DHCR7: variants seen among roughly 807,000 people sequenced by gnomAD.
DHCR7 encodes 7-dehydrocholesterol reductase.
DHCR7 carries 40 observed loss-of-function variants against 43.3 expected under a neutral mutation model. That is an observed-to-expected ratio of 0.92 (90% CI 0.72 to 1.20). The LOEUF (loss-of-function observed/expected upper bound fraction) is 1.20. DHCR7 is among the 50% of genes most tolerant of loss of function. The probability of loss-of-function intolerance (pLI) is 0.00; values close to 1 mark genes in which losing one functional copy is unlikely to be tolerated. For missense variants in DHCR7, 608 were observed against 644.6 expected (o/e 0.94, Z 0.62); for synonymous variants, 298 against 271.4 (o/e 1.10, Z -0.96).
downstream of DHCR7, among the ~76,000 whole-genome samples, chr11:71,432,494 G>GA (rs774113102): frequency 5.3e-5 from 8 of 152,174 alleles, no homozygotes; most frequent in Non-Finnish European, 8.8e-5. Flanking sequence ...GTAAATTGCA[G>GA]AATGAGTAAA....
chr11:71,444,962 C>T lies in DHCR7; in HGVS notation c.-6-4G>A, dbSNP rs183610891. The T allele has an allele frequency of 1.0e-4, 161 of 1,612,826 alleles. No homozygotes were observed. The African/African-American group carries it at 2.0e-3, about 20-fold the overall frequency. ...GCGATTTTGCAGCCATTGGGCCCTGCAAGAAAGAGAACCTTGCTTACATTA... is the reference window on the plus strand; with the variant it reads ...GCGATTTTGCAGCCATTGGGCCCTGTAAGAAAGAGAACCTTGCTTACATTA... On this transcript the variant is annotated splice_polypyrimidine_tract_variant and splice_region_variant and intron_variant, in intron 2 of 8. Coordinates refer to ENST00000355527, the MANE Select transcript of DHCR7 (RefSeq NM_001360.3).
rs1949248870 is a variant in DHCR7, at chr11:71,434,420, CA to C, written c.*954del. 1 of 153,658 alleles carries C rather than the reference CA, an allele frequency of 6.5e-6. No individual in the cohort carries two copies. Among genetic ancestry groups the C allele is most frequent in the Non-Finnish European group, 1.4e-5 (1 of 69,328 alleles). 9.5% of individuals were successfully genotyped at this position (153,658 alleles called of 1,614,324 possible). A position where few individuals can be genotyped will look rare whatever the true frequency, so the allele number is the denominator to read the frequency against. The stretch of plus-strand genomic sequence containing the variant: ...GAAACCACACAGCCACTTATTTGAA[CA>C]GGGGAAGTTTAATATAAAGATGAAC... On this transcript the variant is annotated 3_prime_UTR_variant, in exon 9 of 9. Coordinates refer to ENST00000355527, the MANE Select transcript of DHCR7 (RefSeq NM_001360.3).
chr11:71,428,939 T>C (rs1949214278), intron 2 of DHCR7: 1 of 444,852 alleles, frequency 2.2e-6, no homozygotes. Flanking sequence ...GTAATTCAAA[T>C]GCCTCCCGCC....
chr11:71,430,543 G>A (rs189513966), downstream of DHCR7, among the ~76,000 whole-genome samples: 49 of 152,302 alleles, frequency 3.2e-4, no homozygotes, highest in Admixed American at 1.2e-3. Flanking sequence ...GCCTTGTCAT[G>A]TGGGGTGGCT....
chr11:71,432,548 T>C (rs1949234301), downstream of DHCR7, among the ~76,000 whole-genome samples: 1 of 152,384 alleles, frequency 6.6e-6, no homozygotes, highest in Non-Finnish European at 1.5e-5. Flanking sequence ...TGTATTTTTG[T>C]GGGCATAGTG....
chr11:71,440,832 G>A (rs2135944234), intron 6 of DHCR7, among the ~76,000 whole-genome samples: 1 of 152,212 alleles, frequency 6.6e-6, no homozygotes, highest in East Asian at 1.9e-4. Flanking sequence ...GGCTCTCCTG[G>A]GAAGCTGTTA....
chr11:71,439,997 A>AC (rs779256721), intron 6 of DHCR7, among the ~76,000 whole-genome samples: 23 of 152,194 alleles, frequency 1.5e-4, no homozygotes, highest in Non-Finnish European at 2.6e-4. Flanking sequence ...CCACAAGAGA[A>AC]CCCCCCAAAC....
downstream of DHCR7, among the ~76,000 whole-genome samples, chr11:71,432,469 T>A (rs541771844): frequency 5.7e-4 from 87 of 152,380 alleles, no homozygotes; most frequent in Non-Finnish European, 1.0e-3. Context: ...TACAATGTGA[T>A]GTTTTGATAC....
rs1378054212 is a variant in DHCR7 at position 71,434,755 on chromosome 11, T to C, written c.*620A>G. ...CCGGTGCTGGGACCTCTCTGAGGTC[T>C]GCAGACTCCAGGCAGAGCACTCCTG... On this transcript the variant is annotated 3_prime_UTR_variant, in exon 9 of 9. Coordinates refer to ENST00000355527, the MANE Select transcript of DHCR7 (RefSeq NM_001360.3). 1.1e-5 allele frequency: 3 copies of C among 272,726 alleles called. No individual in the cohort carries two copies. The highest frequency in any genetic ancestry group is 2.2e-5 in the Non-Finnish European group (3 of 138,256). 16.9% of individuals were successfully genotyped at this position (272,726 alleles called of 1,614,324 possible).
chr11:71,444,136 C>A lies in DHCR7; in HGVS notation c.178G>T (p.Ala60Ser). 1 of 1,611,794 alleles carries A rather than the reference C, an allele frequency of 6.2e-7. No homozygotes were observed. Among genetic ancestry groups the A allele is most frequent in the Non-Finnish European group, 8.5e-7 (1 of 1,178,938 alleles). ...AGGGCGCAGCTGTACTGGTCACAAG[C>A]CATGATGAAGTAGTAGACGATGAAG... is the stretch of plus-strand genomic sequence containing the variant. ...APFIVYYFIM[A>S]CDQYSCALTG... The change falls in exon 4 of 9, where the codon GCT becomes TCT. Residue 60 changes from alanine (A) to serine (S), a missense_variant. By Grantham distance (99) the Ala-to-Ser change is moderately conservative. Coordinates refer to ENST00000355527, the MANE Select transcript of DHCR7 (RefSeq NM_001360.3).
downstream of DHCR7, among the ~76,000 whole-genome samples, chr11:71,428,015 T>A (rs12419279): frequency 0.56 from 85,800 of 151,926 alleles, 26,708 homozygotes; most frequent in Non-Finnish European, 0.74. Context: ...CCTACCCAAA[T>A]CTAAATTCCC....
At chr11:71,430,293 C>T (rs539285932), downstream of DHCR7, among the ~76,000 whole-genome samples, 7 of 152,340 alleles carry the variant, frequency 4.6e-5, no homozygotes, top group African/African-American at 1.7e-4. Flanking sequence ...GTCTACTCAG[C>T]TCACTGTGCT....
At chr11:71,442,190 G>A (rs576806082) in intron 5 of DHCR7, 73 bp downstream of exon 5, 46 of 1,133,646 alleles carry the variant, frequency 4.1e-5, no homozygotes, top group Middle Eastern at 2.0e-4. Flanking sequence ...ACAAAGCAGC[G>A]CTGGGGAGGA....
chr11:71,438,326 G>A (rs988666818), intron 7 of DHCR7, among the ~76,000 whole-genome samples: 6 of 152,146 alleles, frequency 3.9e-5, no homozygotes, highest in African/African-American at 7.2e-5. Context: ...GCCAGCTCCC[G>A]CTGGCTCCCT....
At chr11:71,437,009 G>A (rs768279928) in intron 8 of DHCR7, among the ~76,000 whole-genome samples, 36 of 152,274 alleles carry the variant, frequency 2.4e-4, no homozygotes, top group African/African-American at 4.3e-4. Context: ...AAATGGGGCC[G>A]GGTGGGCCAT....
intron 5 of DHCR7, among the ~76,000 whole-genome samples, 169 bp from the exon 6 acceptor site, chr11:71,441,609 CA>C (rs1373934261): frequency 6.6e-6 from 1 of 152,166 alleles, no homozygotes; most frequent in East Asian, 1.9e-4. Context: ...TACCCTTGGC[CA>C]AGGAACTACC....
Position 71,437,899 on chromosome 11 carries a change from C to A in DHCR7, c.876G>T (p.Leu292=). 1 of 1,613,994 alleles carries A rather than the reference C, an allele frequency of 6.2e-7. No homozygotes were observed. Among genetic ancestry groups the A allele is most frequent in the Non-Finnish European group, 8.5e-7 (1 of 1,180,032 alleles). The change falls in exon 8 of 9, where the codon CTG becomes CTT. Residue 292 remains leucine (L), a synonymous_variant. Coordinates refer to ENST00000355527, the MANE Select transcript of DHCR7 (RefSeq NM_001360.3). ...GGTCATGGCAGATGTCAATGGTCTTCAGGTACCAGGTTTCGTTCCAGAAGA... is the reference window on the plus strand; with the variant it reads ...GGTCATGGCAGATGTCAATGGTCTTAAGGTACCAGGTTTCGTTCCAGAAGA... ...IDFFWNETWY[L]KTIDICHDHF...
At chr11:71,448,015 C>G (rs1476749309) in intron 1 of DHCR7, 1 of 152,502 alleles carries the variant, frequency 6.6e-6, no homozygotes, top group Non-Finnish European at 1.5e-5. Flanking sequence ...CGGAGCCAGG[C>G]AGCCTTCGCC....
rs916217045 is a variant in DHCR7 at position 71,435,766 on chromosome 11, A to T, written c.1037T>A (p.Val346Glu). The change falls in exon 9 of 9, where the codon GTG becomes GAG. Residue 346 changes from valine (V) to glutamate (E), a missense_variant. Physicochemically the swap from Val to Glu is moderately radical, Grantham distance 121. Coordinates refer to ENST00000355527, the MANE Select transcript of DHCR7 (RefSeq NM_001360.3). ...GGCCACCCGGAAGATGTAGTAGCCC[A>T]CCAGGCCCAGCAGCAGGACGCCCAC... The part of the protein sequence containing the change: ...HAVGVLLLGL[V>E]GYYIFRVANH... 1 of 1,609,804 alleles carries T rather than the reference A, an allele frequency of 6.2e-7. No homozygotes were observed. The highest frequency in any genetic ancestry group is 8.5e-7 in the Non-Finnish European group (1 of 1,177,380).
Sources: allele counts gnomAD v4.1 joint callset (sites outside exome capture counted in the v4.1 genomes callset), GRCh38; gene constraint gnomAD v4.1.1; transcripts MANE v1.5; gene names NCBI Gene and HGNC (gene_info 2026-07-23, HGNC 2026-07-21).